ZNF699: variants seen among roughly 807,000 people sequenced by gnomAD.
ZNF699 encodes hangover homolog.
In ZNF699, 18 loss-of-function variants were observed where a neutral mutation model predicts 22.5. The ratio of observed to expected loss-of-function variants is 0.80; its 90% CI spans 0.55 to 1.19. The LOEUF is 1.19. Ranked by LOEUF, ZNF699 falls within the 50% of genes most tolerant of loss-of-function variation. The pLI is 0.00. For synonymous variants in ZNF699, 241 were observed against 262.3 expected (o/e 0.92, Z 0.78); for missense variants, 670 against 763.4 (o/e 0.88, Z 1.44).
In ZNF699 at chr19:9,297,276, T is replaced by A. The variant is rs1246191427; in HGVS notation, c.470+20A>T. On this transcript the variant is annotated intron_variant, in intron 5 of 5. Coordinates refer to ENST00000591998, the MANE Select transcript of ZNF699 (RefSeq NM_198535.3). This position sits in a 1 kb window ranked among gnomAD's most constrained non-coding sequence, Gnocchi z 4.3. ...GATTCTCTCCTGAGGCACTTTCTCT[T>A]TCTCACGAATGGCACTCACCTCAAA... 2.6e-6 allele frequency: 4 copies of A among 1,563,874 alleles called. No homozygotes were observed. The highest frequency in any genetic ancestry group is 3.4e-6 in the Non-Finnish European group (4 of 1,167,686).
chr19:9,299,597 C>T (rs990837680), intron 3 of ZNF699, among the ~76,000 whole-genome samples: 2 of 152,120 alleles, frequency 1.3e-5, no homozygotes, highest in Non-Finnish European at 2.9e-5. Flanking sequence ...GCCCCCCACA[C>T]CCTGGCAATG....
chr19:9,309,638 G>C lies in ZNF699; in HGVS notation c.-294C>G, dbSNP rs2066340099. The C allele has an allele frequency of 6.6e-6, 1 of 152,426 alleles. No individual in the cohort carries two copies. The highest frequency in any genetic ancestry group is 1.5e-5 in the Non-Finnish European group (1 of 68,200). 9.4% of individuals were successfully genotyped at this position (152,426 alleles called of 1,614,324 possible). On this transcript the variant is annotated 5_prime_UTR_variant, in exon 1 of 6. Transcript: ENST00000591998. ...GCGCCGCGGCGGCGGGAGGCCCCGG[G>C]CGCGGGGTCCGGACAAGGAGTGGCG...
In ZNF699 at chr19:9,301,766, T is replaced by C. The variant is rs116754655; in HGVS notation, c.175+612A>G. ...GATAGCAGTAAAATCCTCAAAATGTTCAAACTACAAACCTCCTCCCTGTGT... is the reference window on the plus strand; with the variant it reads ...GATAGCAGTAAAATCCTCAAAATGTCCAAACTACAAACCTCCTCCCTGTGT... On this transcript the variant is annotated intron_variant, in intron 3 of 5. Transcript: ENST00000591998. Among the ~76,000 whole-genome samples the C allele has an allele frequency of 7.0e-3, 1,063 of 152,236 alleles. 8 individuals carry two copies. The highest frequency in any genetic ancestry group is 0.024 in the African/African-American group (1,001 of 41,524).
At position 9,295,633 on chromosome 19, in the gene ZNF699, C is replaced by A. The variant is rs2066281639; in HGVS notation, c.1771G>T (p.Glu591Ter). The change falls in exon 6 of 6, where the codon GAA becomes TAA. Residue 591 changes from glutamate to a stop codon, truncating the protein, a stop_gained. Coordinates refer to ENST00000591998, the MANE Select transcript of ZNF699 (RefSeq NM_198535.3). LOFTEE classifies it low-confidence loss of function (END_TRUNC). ...HTGEKPFECLECGKAFSCPSS... is the reference protein window; with the variant it reads ...HTGEKPFECL The stretch of plus-strand genomic sequence containing the variant: ...GGACAACTGAAAGCTTTTCCACATT[C>A]CAGACATTCAAAGGGTTTCTCTCCA... The A allele has an allele frequency of 1.9e-6, 3 of 1,614,006 alleles. No homozygotes were observed. The East Asian group carries it at 6.7e-5, about 36-fold the overall frequency.
rs1437674962 is a variant in ZNF699, at chr19:9,291,731, C to T, written c.*3744G>A. The T allele has an allele frequency of 2.3e-5, 3 of 133,068 alleles. No individual in the cohort carries two copies. The highest frequency in any genetic ancestry group is 2.1e-4 in the East Asian group (1 of 4,776). The allele number at this position is 133,068 out of a possible 1,614,324, so 8.2% of individuals were successfully genotyped here. On this transcript the variant is annotated 3_prime_UTR_variant, in exon 6 of 6. Coordinates refer to ENST00000591998, the MANE Select transcript of ZNF699 (RefSeq NM_198535.3). The stretch of plus-strand genomic sequence containing the variant: ...TCTTTTTTTTTTTTTTTTTTTGACA[C>T]GGAGTCTCATTCTGTTGCCCAGGCT...
intron 3 of ZNF699, among the ~76,000 whole-genome samples, chr19:9,301,129 A>C (rs1251536041): frequency 7.2e-6 from 1 of 138,856 alleles, no homozygotes; most frequent in Non-Finnish European, 1.5e-5. Flanking sequence ...TAAAGCCTAC[A>C]AAAAAAAAAG....
intron 2 of ZNF699, among the ~76,000 whole-genome samples, chr19:9,303,587 C>G (rs1011178870): frequency 6.6e-6 from 1 of 152,138 alleles, no homozygotes. Context: ...ACGAGCTCCT[C>G]AAGCCAGTCC....
At position 9,295,756 on chromosome 19, in the gene ZNF699, T is replaced by C. The variant is rs2066282591; in HGVS notation, c.1648A>G (p.Met550Val). The C allele has an allele frequency of 2.5e-6, 4 of 1,612,630 alleles. No homozygotes were observed. In the East Asian group the frequency reaches 6.7e-5, roughly 27 times the overall value. Residue 550 changes from methionine to valine, a missense_variant, in exon 6 of 6, where the codon ATG becomes GTG. Met to Val is a conservative substitution (Grantham distance 21). Coordinates refer to ENST00000591998, the MANE Select transcript of ZNF699 (RefSeq NM_198535.3). ...GGTTTTTCCCCAGTGTGCGTTCTCA[T>C]GTGGATCCTAAGGGCTGAGGGATAA... ...FIYPSALRIH[M>V]RTHTGEKPYE...
In ZNF699 at chr19:9,302,381, G is replaced by C; in HGVS notation, c.172C>G (p.Leu58Val). The C allele has an allele frequency of 6.2e-7, 1 of 1,613,686 alleles. No homozygotes were observed. The highest frequency in any genetic ancestry group is 8.5e-7 in the Non-Finnish European group (1 of 1,179,742). Residue 58 changes from leucine (L) to valine (V), a missense_variant, in exon 3 of 6, where the codon CTA becomes GTA. By Grantham distance (32) the Leu-to-Val change is conservative. Transcript: ENST00000591998. ...MLENFQNLAS[L>V]GYPLHTPHLI... is the part of the protein sequence containing the mutation. ...GAAAGAATCTTGCCATTCTTACCTA[G>C]TGAGGCCAGGTTCTGGAAGTTTTCC...
intron 2 of ZNF699, 28 bp downstream of exon 2, chr19:9,305,044 T>G (rs775144543): frequency 1.3e-6 from 2 of 1,590,884 alleles, no homozygotes; most frequent in Non-Finnish European, 1.7e-6. Context: ...GGAAATATTC[T>G]TTTGGACAAT....
intron 1 of ZNF699, among the ~76,000 whole-genome samples, chr19:9,306,252 C>T (rs541472109): frequency 1.2e-3 from 187 of 152,026 alleles, no homozygotes; most frequent in Admixed American, 3.4e-3. Flanking sequence ...ATTAGCCAGG[C>T]GTGGTGGCGC....
chr19:9,296,885 A>AT lies in ZNF699; in HGVS notation c.518dup (p.Asp173GlufsTer12). 6.2e-7 allele frequency: 1 copy of AT among 1,613,122 alleles called. No homozygotes were observed. Among genetic ancestry groups the AT allele is most frequent in the Non-Finnish European group, 8.5e-7 (1 of 1,179,130 alleles). ...TTGGAACTTGGCTGAAAGTCTGTCCATCTTGATTTTCTTCATAACATTCAT... is the reference window on the plus strand; with the variant it reads ...TTGGAACTTGGCTGAAAGTCTGTCCATTCTTGATTTTCTTCATAACATTCAT... On this transcript the variant is annotated frameshift_variant, in exon 6 of 6. Transcript: ENST00000591998. LOFTEE classifies it low-confidence loss of function (END_TRUNC).
At chr19:9,298,537 C>T (rs1304609083) in intron 3 of ZNF699, among the ~76,000 whole-genome samples, 1 of 151,926 alleles carries the variant, frequency 6.6e-6, no homozygotes, top group Non-Finnish European at 1.5e-5. Context: ...AATATCATTA[C>T]AAGCTGGTCA....
chr19:9,301,830 T>C (rs2066308359), intron 3 of ZNF699, among the ~76,000 whole-genome samples: 2 of 152,146 alleles, frequency 1.3e-5, no homozygotes, highest in South Asian at 4.1e-4. Flanking sequence ...ACACTTTCGA[T>C]ACTTAATAAA....
chr19:9,303,584 C>T (rs2066315909), intron 2 of ZNF699, among the ~76,000 whole-genome samples: 1 of 152,122 alleles, frequency 6.6e-6, no homozygotes, highest in Non-Finnish European at 1.5e-5. Flanking sequence ...TCCACGAGCT[C>T]CTCAAGCCAG....
At chr19:9,308,534 T>A (rs1486345122) in intron 1 of ZNF699, among the ~76,000 whole-genome samples, 1 of 152,176 alleles carries the variant, frequency 6.6e-6, no homozygotes, top group Non-Finnish European at 1.5e-5. Context: ...CCGGGTGCAG[T>A]GGCTCATGCC....
At chr19:9,308,324 CAAA>C (rs554753899) in intron 1 of ZNF699, among the ~76,000 whole-genome samples, 1 of 141,756 alleles carries the variant, frequency 7.1e-6, no homozygotes, top group African/African-American at 2.5e-5. Context: ...ACAACAACAA[CAAA>C]AAAAAAATGA....
Position 9,296,056 on chromosome 19 carries a change from T to G in ZNF699, c.1348A>C (p.Lys450Gln), listed in dbSNP as rs765805396. 1 of 1,614,130 alleles carries G rather than the reference T, an allele frequency of 6.2e-7. No homozygotes were observed. Among genetic ancestry groups the G allele is most frequent in the South Asian group, 1.1e-5 (1 of 91,082 alleles). ...CAACTAAAGGCCTTCCCACATTCCT[T>G]ACATTCATAGGGTTTCTCTCGACTT... ...NQSREKPYEC[K>Q]ECGKAFSCPS... The change falls in exon 6 of 6, where the codon AAG (lysine) becomes CAG (glutamine). Residue 450 changes from lysine to glutamine, a missense_variant. Transcript: ENST00000591998.
intron 1 of ZNF699, 71 bp from the exon 2 acceptor site, chr19:9,305,195 A>C (rs2066323002): frequency 3.0e-6 from 4 of 1,341,842 alleles, no homozygotes; most frequent in Admixed American, 1.8e-5. Context: ...AGACCTCCCC[A>C]AAATTCCCAC....
Sources: allele counts gnomAD v4.1 joint callset (sites outside exome capture counted in the v4.1 genomes callset), GRCh38; gene constraint gnomAD v4.1.1; non-coding constraint Gnocchi (gnomAD v3.1); transcripts MANE v1.5; gene names NCBI Gene and HGNC (gene_info 2026-07-23, HGNC 2026-07-21).